WSCD2: variants seen among roughly 807,000 people sequenced by gnomAD.
The protein encoded by WSCD2 is sialate:O-sulfotransferase 2.
A neutral mutation model predicts 55.7 loss-of-function variants in WSCD2; 28 were observed. The ratio of observed to expected loss-of-function variants is 0.50; its 90% CI spans 0.37 to 0.69. The LOEUF (loss-of-function observed/expected upper bound fraction) is 0.69. Among genes scored for constraint, WSCD2 ranks in the 30% least tolerant of loss-of-function variants. The pLI is 0.00. For synonymous variants in WSCD2, 301 were observed against 301.9 expected, an observed-to-expected ratio of 1.00 and a Z score of 0.03; for missense variants, 616 against 762.1, an observed-to-expected ratio of 0.81 and a Z score of 2.26.
intron 1 of WSCD2, among the ~76,000 whole-genome samples, chr12:108,173,852 G>T (rs1048793382): frequency 3.3e-5 from 5 of 151,536 alleles, no homozygotes; most frequent in Non-Finnish European, 5.9e-5. Context: ...GTGTGTGTGT[G>T]TGTCAGGGAC....
At chr12:108,145,313 A>C (rs1877267511) in intron 1 of WSCD2, among the ~76,000 whole-genome samples, 1 of 152,052 alleles carries the variant, frequency 6.6e-6, no homozygotes, top group Non-Finnish European at 1.5e-5. Context: ...TGTGCTCTCC[A>C]AGCTCCACAG....
At chr12:108,198,265 A>G (rs889621656) in intron 2 of WSCD2, among the ~76,000 whole-genome samples, 1 of 152,108 alleles carries the variant, frequency 6.6e-6, no homozygotes, top group African/African-American at 2.4e-5. Context: ...CTGTTGCTGA[A>G]TACCTATTTG....
At chr12:108,133,969 A>C (rs971061619) in intron 1 of WSCD2, among the ~76,000 whole-genome samples, 5 of 152,218 alleles carry the variant, frequency 3.3e-5, no homozygotes, top group African/African-American at 9.6e-5. Context: ...TGAGGAAAGA[A>C]ATTGCCCGAG....
chr12:108,219,195 C>T (rs1887196083), intron 4 of WSCD2, among the ~76,000 whole-genome samples: 1 of 152,176 alleles, frequency 6.6e-6, no homozygotes, highest in South Asian at 2.1e-4. Context: ...AAGACTTGCC[C>T]TCCTAGAGGT....
intron 2 of WSCD2, among the ~76,000 whole-genome samples, chr12:108,201,959 A>G (rs1181955900): frequency 6.6e-6 from 1 of 152,122 alleles, no homozygotes; most frequent in East Asian, 1.9e-4. Context: ...ACCGCTGTGG[A>G]GATGAGCTGA....
At chr12:108,153,090 G>A (rs1565920070) in intron 1 of WSCD2, among the ~76,000 whole-genome samples, 1 of 127,632 alleles carries the variant, frequency 7.8e-6, no homozygotes, top group African/African-American at 2.7e-5. Context: ...GTGACAGAGT[G>A]AGACTCTGTC....
At chr12:108,173,714 C>T (rs1397981081) in intron 1 of WSCD2, among the ~76,000 whole-genome samples, 1 of 151,906 alleles carries the variant, frequency 6.6e-6, no homozygotes, top group Non-Finnish European at 1.5e-5. Flanking sequence ...TCCTGTACAA[C>T]CAGGAGTCCT....
At chr12:108,160,677 A>G (rs1878971001) in intron 1 of WSCD2, among the ~76,000 whole-genome samples, 2 of 152,218 alleles carry the variant, frequency 1.3e-5, no homozygotes, top group African/African-American at 4.8e-5. Context: ...ATTACAATTG[A>G]CCATGATATT....
rs1416351502 is a variant in WSCD2, at chr12:108,210,610, C to A, written c.682+305C>A. On this transcript the variant is annotated intron_variant, in intron 4 of 8. Coordinates refer to ENST00000547525, the MANE Select transcript of WSCD2 (RefSeq NM_014653.4). This position sits in a 1 kb window ranked among gnomAD's most constrained non-coding sequence, Gnocchi z 4.3. Reference sequence around the variant, plus strand: ...AGTTGGAGCCTGAGCCTCGCCTTCCCATCCTGATTTTCTCAGAGCAGACTG... The same window carrying A: ...AGTTGGAGCCTGAGCCTCGCCTTCCAATCCTGATTTTCTCAGAGCAGACTG... 6.6e-6 allele frequency among the ~76,000 whole-genome samples: 1 copy of A among 152,182 alleles called. No homozygotes were observed. Among genetic ancestry groups the A allele is most frequent in the Non-Finnish European group, 1.5e-5 (1 of 68,042 alleles).
chr12:108,195,237 T>C (rs1883763790), intron 1 of WSCD2, 45 bp from the exon 2 acceptor site: 1 of 152,770 alleles, frequency 6.5e-6, no homozygotes, highest in African/African-American at 2.4e-5. Flanking sequence ...GGTTCTGTGC[T>C]TTGGTGAAGG....
chr12:108,216,221 G>A (rs891804975), intron 4 of WSCD2, among the ~76,000 whole-genome samples: 1 of 152,138 alleles, frequency 6.6e-6, no homozygotes, highest in South Asian at 2.1e-4. Flanking sequence ...AAAAGTAATT[G>A]AATCTTGCTA....
At chr12:108,226,598 C>T (rs1438307576) in intron 5 of WSCD2, among the ~76,000 whole-genome samples, 2 of 152,206 alleles carry the variant, frequency 1.3e-5, no homozygotes, top group Non-Finnish European at 2.9e-5. Flanking sequence ...CAGCCCCAGG[C>T]TCACAGTCTT....
intron 1 of WSCD2, among the ~76,000 whole-genome samples, chr12:108,157,128 GTTGT>G (rs1278965341): frequency 2.6e-5 from 4 of 152,118 alleles, no homozygotes; most frequent in East Asian, 1.9e-4. Flanking sequence ...TGGTTTCTTC[GTTGT>G]TTGTTTGTTT....
intron 1 of WSCD2, among the ~76,000 whole-genome samples, chr12:108,173,419 G>A (rs4964643): frequency 1.9e-4 from 29 of 152,086 alleles, no homozygotes; most frequent in African/African-American, 6.7e-4. Flanking sequence ...AGCAGGAGAC[G>A]TGAAGGCTCT....
chr12:108,158,279 G>A (rs1167534876), intron 1 of WSCD2, among the ~76,000 whole-genome samples: 2 of 152,254 alleles, frequency 1.3e-5, no homozygotes, highest in South Asian at 2.1e-4. Context: ...AGCCACAAAC[G>A]GAGAGAGTAG....
At chr12:108,243,607 C>T (rs938543475) in intron 8 of WSCD2, among the ~76,000 whole-genome samples, 1 of 152,178 alleles carries the variant, frequency 6.6e-6, no homozygotes, top group Non-Finnish European at 1.5e-5. Context: ...TGCTATAAGT[C>T]CCTGCTACTC....
At chr12:108,228,200 C>G (rs537863834) in intron 6 of WSCD2, among the ~76,000 whole-genome samples, 4 of 152,264 alleles carry the variant, frequency 2.6e-5, no homozygotes, top group African/African-American at 9.6e-5. Flanking sequence ...GGGGGCATCC[C>G]TTGCTAGGAC....
intron 6 of WSCD2, among the ~76,000 whole-genome samples, chr12:108,231,800 A>T (rs151267485): frequency 1.3e-5 from 2 of 152,346 alleles, no homozygotes; most frequent in African/African-American, 4.8e-5. Context: ...TTGCATGCAT[A>T]ATTATCTGAA....
chr12:108,160,024 A>G (rs1418795546), intron 1 of WSCD2, among the ~76,000 whole-genome samples: 3 of 152,134 alleles, frequency 2.0e-5, no homozygotes, highest in Non-Finnish European at 4.4e-5. Context: ...ATAGCACGAG[A>G]GCCATGTTAC....
Sources: allele counts gnomAD v4.1 joint callset (sites outside exome capture counted in the v4.1 genomes callset), GRCh38; gene constraint gnomAD v4.1.1; non-coding constraint Gnocchi (gnomAD v3.1); transcripts MANE v1.5; gene names NCBI Gene and HGNC (gene_info 2026-07-23, HGNC 2026-07-21).